MPDZ: variants seen among roughly 807,000 people sequenced by gnomAD.
MPDZ encodes the protein multiple PDZ domain crumbs cell polarity complex component.
In MPDZ, 234 loss-of-function variants were observed where a neutral mutation model predicts 239.1. That is an observed-to-expected ratio of 0.98 (90% CI 0.88 to 1.09). The LOEUF (loss-of-function observed/expected upper bound fraction) is 1.09. MPDZ is among the 50% of genes least tolerant of loss of function. MPDZ has a pLI of 0.00. For missense variants in MPDZ, 3,175 were observed against 2,510.0 expected, an observed-to-expected ratio of 1.26 and a Z score of -5.66; for synonymous variants, 1,048 against 881.3, an observed-to-expected ratio of 1.19 and a Z score of -3.35.
chr9:13,139,051 T>A (rs560730592), intron 28 of MPDZ, among the ~76,000 whole-genome samples: 2 of 152,362 alleles, frequency 1.3e-5, no homozygotes, highest in East Asian at 3.9e-4. Flanking sequence ...TGCTCTAGTG[T>A]CACTGAGAAC....
At chr9:13,278,074 T>C (rs10960997) in intron 1 of MPDZ, among the ~76,000 whole-genome samples, 8,619 of 152,168 alleles carry the variant, frequency 0.057, 556 homozygotes, top group East Asian at 0.19. Flanking sequence ...CTATAAAGGG[T>C]AACCTAAACC....
chr9:13,271,433 T>C (rs1972931069), intron 1 of MPDZ, among the ~76,000 whole-genome samples: 1 of 152,206 alleles, frequency 6.6e-6, no homozygotes. Flanking sequence ...CCTTTCTGTG[T>C]AAAAGTAGAA....
At chr9:13,206,216 T>C (rs753154749) in intron 10 of MPDZ, 117 bp from the exon 11 acceptor site, 10 of 955,542 alleles carry the variant, frequency 1.0e-5, no homozygotes, top group Non-Finnish European at 1.5e-5. Context: ...GAATAAGTAT[T>C]CACCTTATCA....
intron 1 of MPDZ, among the ~76,000 whole-genome samples, chr9:13,259,172 A>G (rs1970093524): frequency 6.6e-6 from 1 of 152,140 alleles, no homozygotes; most frequent in Non-Finnish European, 1.5e-5. Flanking sequence ...AAACTTTAAT[A>G]TAATGAGAGA....
intron 25 of MPDZ, among the ~76,000 whole-genome samples, chr9:13,149,320 A>G (rs1293787225): frequency 6.6e-6 from 1 of 152,084 alleles, no homozygotes; most frequent in Admixed American, 6.6e-5. Flanking sequence ...GTCATGGTTG[A>G]TATGTTATAA....
intron 3 of MPDZ, among the ~76,000 whole-genome samples, chr9:13,229,424 G>C (rs1027186047): frequency 1.3e-5 from 2 of 150,612 alleles, no homozygotes; most frequent in Non-Finnish European, 1.5e-5. Flanking sequence ...AAAACCACTA[G>C]AGCAAAAAGG....
chr9:13,249,008 A>AAAAAAAAAAAAAAAAAAAAAAAAAAAAC (rs1279043046), intron 2 of MPDZ, among the ~76,000 whole-genome samples: 1 of 125,256 alleles, frequency 8.0e-6, no homozygotes, highest in Non-Finnish European at 1.7e-5. Flanking sequence ...AAAAAAAAAA[A>AAAAAAAAAAAAAAAAAAAAAAAAAAAAC]ATTGGAATCA....
chr9:13,216,079 T>C (rs1958300084), intron 10 of MPDZ, among the ~76,000 whole-genome samples: 1 of 150,586 alleles, frequency 6.6e-6, no homozygotes, highest in Non-Finnish European at 1.5e-5. Context: ...TACAAGACTA[T>C]ATTGTAGGCA....
intron 3 of MPDZ, among the ~76,000 whole-genome samples, chr9:13,240,750 T>C (rs373393040): frequency 1.1e-4 from 16 of 152,066 alleles, no homozygotes; most frequent in African/African-American, 3.9e-4. Context: ...CTGGAACTGA[T>C]GGACTAGTTA....
rs573995989 is a variant in MPDZ at position 13,227,633 on chromosome 9, T to C, written c.184-3050A>G. 2.5e-4 allele frequency among the ~76,000 whole-genome samples: 38 copies of C among 152,256 alleles called. 1 individual carries two copies. Among genetic ancestry groups the C allele is most frequent in the Non-Finnish European group, 5.0e-4 (34 of 68,026 alleles). On this transcript the variant is annotated intron_variant, in intron 3 of 46. Coordinates refer to ENST00000319217, the MANE Select transcript of MPDZ (RefSeq NM_001378778.1). ...TCATGGTAAAAGAGAAGCTCTGATA[T>C]TATGAAAGAGTAGGTATACAGGCAT...
chr9:13,147,584 T>C lies in MPDZ; in HGVS notation c.3705A>G (p.Val1235=), dbSNP rs1563903787. 6.2e-7 allele frequency: 1 copy of C among 1,612,308 alleles called. No homozygotes were observed. Residue 1235 remains valine, a synonymous_variant, in exon 26 of 47, where the codon GTA becomes GTG. Coordinates refer to ENST00000319217, the MANE Select transcript of MPDZ (RefSeq NM_001378778.1). The part of the protein sequence containing the change: ...VEAIRKAGNP[V]VFMVQSIINR... ...TTATAATGCTCTGTACCATAAAGAC[T>C]ACAGGGTTGCCTGCTTTCCGAATGG...
chr9:13,147,856 T>C (rs976628699), intron 25 of MPDZ, among the ~76,000 whole-genome samples, 198 bp from the exon 26 acceptor site: 1 of 152,068 alleles, frequency 6.6e-6, no homozygotes, highest in Non-Finnish European at 1.5e-5. Context: ...TGGACACATA[T>C]CTCTGTCTCC....
chr9:13,268,276 G>A (rs891777178), intron 1 of MPDZ, among the ~76,000 whole-genome samples: 1 of 151,826 alleles, frequency 6.6e-6, no homozygotes, highest in Non-Finnish European at 1.5e-5. Context: ...CATATTCCTA[G>A]CCATGTGTAT....
chr9:13,165,300 CAA>C (rs1311932477), intron 22 of MPDZ: 1 of 1,512,186 alleles, frequency 6.6e-7, no homozygotes, highest in Non-Finnish European at 8.9e-7. Flanking sequence ...TACAAAAGCA[CAA>C]AATTGTTTTC....
intron 3 of MPDZ, among the ~76,000 whole-genome samples, chr9:13,230,032 C>G (rs1033015594): frequency 6.6e-6 from 1 of 151,524 alleles, no homozygotes; most frequent in African/African-American, 2.4e-5. Flanking sequence ...CAGAAAAAAA[C>G]AGACAGACAT....
rs1031051597 is a variant in MPDZ at position 13,139,822 on chromosome 9, T to C, written c.4003+165A>G. On this transcript the variant is annotated intron_variant, in intron 28 of 46. Coordinates refer to ENST00000319217, the MANE Select transcript of MPDZ (RefSeq NM_001378778.1). ...AGAGCATGATTTCATGCCTCAGGAA[T>C]GTATGCTGTATTCAAGCAAAACAAA... is the stretch of plus-strand genomic sequence containing the variant. The C allele has an allele frequency of 1.0e-5, 8 of 784,152 alleles. No individual in the cohort carries two copies. In the South Asian group the frequency reaches 1.2e-4, roughly 11 times the overall value. 48.6% of individuals were successfully genotyped at this position (784,152 alleles called of 1,614,324 possible).
chr9:13,156,611 CACA>C (rs1949851020), intron 24 of MPDZ, among the ~76,000 whole-genome samples: 1 of 152,286 alleles, frequency 6.6e-6, no homozygotes, highest in South Asian at 2.1e-4. Context: ...GGGCCCCTTC[CACA>C]ACATGTGGGA....
intron 31 of MPDZ, chr9:13,135,567 C>A (rs554037526): frequency 6.6e-6 from 1 of 152,228 alleles, no homozygotes; most frequent in Admixed American, 6.6e-5. Context: ...TTGAGCTCCA[C>A]ACTGCCTCAA....
At chr9:13,163,388 A>G (rs1223096122) in intron 22 of MPDZ, among the ~76,000 whole-genome samples, 1 of 152,190 alleles carries the variant, frequency 6.6e-6, no homozygotes, top group Admixed American at 6.6e-5. Flanking sequence ...ATTTGAAGCA[A>G]TTTTAAAAAA....
Sources: gnomAD v4.1 joint callset for allele counts (sites outside exome capture counted in the v4.1 genomes callset) on GRCh38, gnomAD v4.1.1 for gene constraint, MANE v1.5 for transcripts, NCBI Gene and HGNC (gene_info 2026-07-23, HGNC 2026-07-21) for gene names.